APBA1: variants seen among roughly 807,000 people sequenced by gnomAD.
APBA1 encodes amyloid-beta A4 precursor protein-binding family A member 1.
In APBA1, 55 loss-of-function variants were observed where a neutral mutation model predicts 86.6. The ratio of observed to expected loss-of-function variants is 0.64; its 90% confidence interval spans 0.51 to 0.80. The LOEUF (loss-of-function observed/expected upper bound fraction) is 0.80, where lower values mean the gene tolerates loss of function less well. APBA1 is among the 30% of genes least tolerant of loss of function. The pLI is 0.00. For synonymous variants in APBA1, 511 were observed against 493.9 expected (o/e 1.03, Z -0.46); for missense variants, 1,090 against 1,183.0 (o/e 0.92, Z 1.15).
At chr9:69,600,273 C>G (rs1033375088) in intron 1 of APBA1, among the ~76,000 whole-genome samples, 1 of 152,196 alleles carries the variant, frequency 6.6e-6, no homozygotes, top group Non-Finnish European at 1.5e-5. Context: ...AGAAACAGCA[C>G]CATGGTTTAG....
intron 1 of APBA1, among the ~76,000 whole-genome samples, chr9:69,640,561 C>G (rs1226618326): frequency 6.6e-6 from 1 of 151,836 alleles, no homozygotes; most frequent in Non-Finnish European, 1.5e-5. Flanking sequence ...AACCAACCAC[C>G]AGAGCCTATG....
intron 10 of APBA1, among the ~76,000 whole-genome samples, chr9:69,443,914 C>A (rs955718246): frequency 6.6e-6 from 1 of 152,154 alleles, no homozygotes; most frequent in African/African-American, 2.4e-5. Flanking sequence ...CAAATTCCAG[C>A]CTTGAATTGG....
rs77684481 is a variant in APBA1, at chr9:69,531,149, A to G, written c.-69-13870T>C. ...CAAAATCCATAGTGTATCTTACACT[A>G]GAGCACATATCAATTTGGACTAGCC... On this transcript the variant is annotated intron_variant, in intron 1 of 12. Coordinates refer to ENST00000265381, the MANE Select transcript of APBA1 (RefSeq NM_001163.4). 8.1e-3 allele frequency among the ~76,000 whole-genome samples: 1,241 copies of G among 152,322 alleles called. 20 individuals are homozygous for G. The highest frequency in any genetic ancestry group is 0.029 in the African/African-American group (1,192 of 41,572).
chr9:69,523,489 ATATATAT>A (rs1836290167), intron 1 of APBA1, among the ~76,000 whole-genome samples: 2 of 13,004 alleles, frequency 1.5e-4, no homozygotes, highest in African/African-American at 3.3e-4. Flanking sequence ...ATATATATAT[ATATATAT>A]GTATATATAT....
intron 1 of APBA1, among the ~76,000 whole-genome samples, chr9:69,523,505 A>G (rs60409265): frequency 0.013 from 547 of 42,744 alleles, 1 homozygote; most frequent in African/African-American, 0.029. Flanking sequence ...ATGTATATAT[A>G]TATATATATA....
intron 3 of APBA1, among the ~76,000 whole-genome samples, chr9:69,475,100 T>C (rs117651808): frequency 8.5e-5 from 13 of 152,272 alleles, no homozygotes; most frequent in Admixed American, 4.6e-4. Context: ...TGGGTGGCAG[T>C]TCACTAGGTG....
chr9:69,546,851 G>A (rs1836705734), intron 1 of APBA1, among the ~76,000 whole-genome samples: 1 of 152,178 alleles, frequency 6.6e-6, no homozygotes, highest in Admixed American at 6.5e-5. Context: ...GTCAATGAAG[G>A]CAATGCTGAT....
chr9:69,657,543 C>A (rs1410941287), intron 1 of APBA1, among the ~76,000 whole-genome samples: 1 of 152,152 alleles, frequency 6.6e-6, no homozygotes, highest in Non-Finnish European at 1.5e-5. Flanking sequence ...TCAACATTAG[C>A]CACTGGCTGA....
chr9:69,442,916 G>A (rs1834849040), intron 10 of APBA1, among the ~76,000 whole-genome samples: 1 of 152,202 alleles, frequency 6.6e-6, no homozygotes. Context: ...TACCCTGCCT[G>A]GCAGAGGCGT....
At chr9:69,483,485 G>A (rs1835556436) in intron 2 of APBA1, among the ~76,000 whole-genome samples, 1 of 151,990 alleles carries the variant, frequency 6.6e-6, no homozygotes, top group Non-Finnish European at 1.5e-5. Context: ...GGGCTGAGGG[G>A]GCACGCTGAT....
rs1821893095 is a variant in APBA1 at position 69,580,539 on chromosome 9, C to T, written c.-69-63260G>A. On this transcript the variant is annotated intron_variant, in intron 1 of 12. Transcript: ENST00000265381. Reference sequence around the variant, plus strand: ...GGCCCGTGTCAACAAATCCTATTAGCAGTGATTAGTACCCTATTATTCTGG... The same window carrying T: ...GGCCCGTGTCAACAAATCCTATTAGTAGTGATTAGTACCCTATTATTCTGG... 2.6e-5 allele frequency among the ~76,000 whole-genome samples: 4 copies of T among 152,252 alleles called. No individual in the cohort carries two copies. The South Asian group carries it at 8.3e-4, about 32-fold the overall frequency.
intron 2 of APBA1, among the ~76,000 whole-genome samples, chr9:69,484,880 T>C (rs958260660): frequency 6.6e-6 from 1 of 152,170 alleles, no homozygotes; most frequent in East Asian, 1.9e-4. Flanking sequence ...CACCCAATGC[T>C]TTCTTCATTT....
At chr9:69,672,448 G>T (rs1029156100), upstream of APBA1, 1 of 148,366 alleles carries the variant, frequency 6.7e-6, no homozygotes, top group South Asian at 1.9e-4. Context: ...CGCTGGGGCC[G>T]GGCGGGCCTG....
At chr9:69,612,882 A>G (rs545897901) in intron 1 of APBA1, among the ~76,000 whole-genome samples, 1 of 152,248 alleles carries the variant, frequency 6.6e-6, no homozygotes. Flanking sequence ...GAAGAAAGTT[A>G]TAAGTATTAA....
At chr9:69,578,258 C>T (rs903324578) in intron 1 of APBA1, among the ~76,000 whole-genome samples, 1 of 152,210 alleles carries the variant, frequency 6.6e-6, no homozygotes, top group Non-Finnish European at 1.5e-5. Context: ...GAGCACGGAT[C>T]CAACTGCTAA....
chr9:69,605,619 T>C (rs1057146911), intron 1 of APBA1, among the ~76,000 whole-genome samples: 1 of 152,242 alleles, frequency 6.6e-6, no homozygotes, highest in Admixed American at 6.5e-5. Context: ...GCATCATTTA[T>C]AATTAGATTC....
intron 1 of APBA1, among the ~76,000 whole-genome samples, chr9:69,541,402 C>T (rs1357696499): frequency 6.6e-6 from 1 of 152,122 alleles, no homozygotes; most frequent in African/African-American, 2.4e-5. Flanking sequence ...GCCATCCTAA[C>T]AGGTATGAGG....
chr9:69,496,847 A>G (rs1835806548), intron 2 of APBA1, among the ~76,000 whole-genome samples: 1 of 151,982 alleles, frequency 6.6e-6, no homozygotes, highest in Non-Finnish European at 1.5e-5. Flanking sequence ...CATTTCCCCC[A>G]TTATCACTCT....
intron 1 of APBA1, among the ~76,000 whole-genome samples, chr9:69,596,184 G>A (rs994119265): frequency 2.0e-5 from 3 of 151,988 alleles, no homozygotes; most frequent in Admixed American, 1.3e-4. Context: ...AGACAGTCTC[G>A]GTATGTTGCC....
Sources: gnomAD v4.1 joint callset for allele counts (sites outside exome capture counted in the v4.1 genomes callset) on GRCh38, gnomAD v4.1.1 for gene constraint, MANE v1.5 for transcripts, NCBI Gene and HGNC (gene_info 2026-07-23, HGNC 2026-07-21) for gene names.